The following JMJD8 variants were observed in gnomAD, a reference collection of about 807,000 sequenced individuals.
The protein encoded by JMJD8 is jmjC domain-containing protein 8.
In JMJD8, 56 loss-of-function variants were observed where a neutral mutation model predicts 37.6. That is an observed-to-expected ratio of 1.49 (90% CI 1.20 to 1.86). The LOEUF is 1.86. JMJD8 is among the 40% of genes most tolerant of loss of function. JMJD8 has a pLI of 0.00. For missense variants in JMJD8, 542 were observed against 362.7 expected, an observed-to-expected ratio of 1.49 and a Z score of -4.01; for synonymous variants, 261 against 163.7, an observed-to-expected ratio of 1.59 and a Z score of -4.54.
At position 684,097 on chromosome 16, in the gene JMJD8, C is replaced by T. The variant is rs760089381; in HGVS notation, c.145G>A (p.Ala49Thr). The change falls in exon 2 of 9, where the codon GCC (alanine) becomes ACC (threonine). Residue 49 changes from alanine to threonine, a missense_variant. Physicochemically the swap from Ala to Thr is moderately conservative, Grantham distance 58. Transcript: ENST00000609261. The stretch of plus-strand genomic sequence containing the variant: ...ACGAACTCCGCGTAGGTGAGGTCGG[C>T]CCGACGCTCCACCGTGCAGCGCTCC... ...EEERCTVERR[A>T]DLTYAEFVQQ... 1.1e-4 allele frequency: 177 copies of T among 1,571,112 alleles called. No individual in the cohort carries two copies. The highest frequency in any genetic ancestry group is 1.3e-4 in the Non-Finnish European group (154 of 1,167,194).
At position 681,890 on chromosome 16, in the gene JMJD8, C is replaced by G; in HGVS notation, c.*904G>C. The G allele has an allele frequency of 1.2e-6, 2 of 1,612,352 alleles. No homozygotes were observed. The highest frequency in any genetic ancestry group is 1.7e-6 in the Non-Finnish European group (2 of 1,179,448). ...CATTGAGGCCAAGCACGTGAGGGTGCCCCCCACCCACATGTGGGTCTGTGT... is the reference window on the plus strand; with the variant it reads ...CATTGAGGCCAAGCACGTGAGGGTGGCCCCCACCCACATGTGGGTCTGTGT... On this transcript the variant is annotated 3_prime_UTR_variant, in exon 9 of 9. Transcript: ENST00000609261.
intron 1 of JMJD8, 29 bp from the exon 2 acceptor site, chr16:684,184 C>T (rs2039834774): frequency 3.0e-6 from 4 of 1,325,902 alleles, no homozygotes; most frequent in Non-Finnish European, 3.8e-6. Flanking sequence ...CAGCCCGCGC[C>T]CCGCCCGCCG....
intron 4 of JMJD8, 39 bp from the exon 5 acceptor site, chr16:683,637 C>G: frequency 6.3e-7 from 1 of 1,577,256 alleles, no homozygotes; most frequent in Non-Finnish European, 8.6e-7. Flanking sequence ...CTGGTCCAGC[C>G]GCCCCGGTGT....
At position 683,543 on chromosome 16, in the gene JMJD8, G is replaced by C; in HGVS notation, c.378C>G (p.Thr126=). The stretch of plus-strand genomic sequence containing the variant: ...GGGCTGCCTCACCATTGCCCAGGGA[G>C]GTGGGGTCCTGGGGGTGCAGCAGCT... ...VEQLLHPQDP[T]SLGNDTLYFF... Residue 126 remains threonine (T), a synonymous_variant, in exon 5 of 9, where the codon ACC becomes ACG. Coordinates refer to ENST00000609261, the MANE Select transcript of JMJD8 (RefSeq NM_001005920.4). 1 of 1,563,386 alleles carries C rather than the reference G, an allele frequency of 6.4e-7. No homozygotes were observed. The highest frequency in any genetic ancestry group is 1.2e-5 in the South Asian group (1 of 85,090).
rs1567281591 is a variant in JMJD8, at chr16:682,022, C to G, written c.*772G>C. ...GCACAGCACTCAACTCTTCACAGGA[C>G]AAGTACATGGCGGACATGGACGAGC... On this transcript the variant is annotated 3_prime_UTR_variant, in exon 9 of 9. Coordinates refer to ENST00000609261, the MANE Select transcript of JMJD8 (RefSeq NM_001005920.4). The G allele has an allele frequency of 1.2e-6, 2 of 1,603,004 alleles. No individual in the cohort carries two copies. Among genetic ancestry groups the G allele is most frequent in the Admixed American group, 1.7e-5 (1 of 59,590 alleles).
Position 682,407 on chromosome 16 carries a change from AG to A in JMJD8, c.*386del, listed in dbSNP as rs1555475529. ...CCCGTGACCCGGAGCCCCCTGACCC[AG>A]GAACAGCTCATCCCCAACTTGGCTA... On this transcript the variant is annotated 3_prime_UTR_variant, in exon 9 of 9. Transcript: ENST00000609261. 6.2e-7 allele frequency: 1 copy of A among 1,613,382 alleles called. No individual in the cohort carries two copies. The highest frequency in any genetic ancestry group is 8.5e-7 in the Non-Finnish European group (1 of 1,180,002).
rs889588804 is a variant in JMJD8, at chr16:683,984, G to A, written c.177-75C>T. Reference sequence around the variant, plus strand: ...CCCCAGCCCCACGCGTGCGCGCGAGGTCAGGGGAAGGCGGCCTTGGGCGGT... The same window carrying A: ...CCCCAGCCCCACGCGTGCGCGCGAGATCAGGGGAAGGCGGCCTTGGGCGGT... On this transcript the variant is annotated intron_variant, in intron 2 of 8. Transcript: ENST00000609261. 2.3e-5 allele frequency: 36 copies of A among 1,556,414 alleles called. No individual in the cohort carries two copies. The East Asian group carries it at 3.1e-4, about 13-fold the overall frequency.
In JMJD8 at chr16:682,708, T is replaced by G; in HGVS notation, c.*86A>C. On this transcript the variant is annotated 3_prime_UTR_variant, in exon 9 of 9. Coordinates refer to ENST00000609261, the MANE Select transcript of JMJD8 (RefSeq NM_001005920.4). ...GTGAGGGTGGGCTGGGCTGAGGCCA[T>G]TGCCGCCACTATCTGTGTAATAAAA... is the stretch of plus-strand genomic sequence containing the variant. The G allele has an allele frequency of 6.6e-7, 1 of 1,507,098 alleles. No individual in the cohort carries two copies. Among genetic ancestry groups the G allele is most frequent in the Non-Finnish European group, 9.1e-7 (1 of 1,102,530 alleles). 93.4% of individuals were successfully genotyped at this position (1,507,098 alleles called of 1,614,324 possible).
chr16:682,891 G>A lies in JMJD8; in HGVS notation c.715-17C>T. ...GTACAGCACCTGGTGGAGGAAGGGG[G>A]TGCAGCAGAGATTAGCTGCGGGCCT... On this transcript the variant is annotated splice_polypyrimidine_tract_variant and intron_variant, in intron 8 of 8. Coordinates refer to ENST00000609261, the MANE Select transcript of JMJD8 (RefSeq NM_001005920.4). 6.2e-7 allele frequency: 1 copy of A among 1,612,760 alleles called. No individual in the cohort carries two copies. The highest frequency in any genetic ancestry group is 8.5e-7 in the Non-Finnish European group (1 of 1,179,748).
Position 682,994 on chromosome 16 carries a change from G to C in JMJD8, c.673C>G (p.Pro225Ala). Residue 225 changes from proline (P) to alanine (A), a missense_variant, in exon 8 of 9, where the codon CCG becomes GCG. Transcript: ENST00000609261. ...WLRDTYPALP[P>A]SARPLECTIR... The stretch of plus-strand genomic sequence containing the variant: ...GTACACTCCAGGGGCCGTGCAGACG[G>C]TGGCAGGGCTGGGTATGTGTCCCGG... 8 of 1,613,440 alleles carry C rather than the reference G, an allele frequency of 5.0e-6. No homozygotes were observed. Among genetic ancestry groups the C allele is most frequent in the Non-Finnish European group, 6.8e-6 (8 of 1,179,886 alleles).
chr16:682,534 C>G lies in JMJD8; in HGVS notation c.*260G>C, dbSNP rs771686779. 1 of 1,610,446 alleles carries G rather than the reference C, an allele frequency of 6.2e-7. No individual in the cohort carries two copies. Among genetic ancestry groups the G allele is most frequent in the African/African-American group, 1.3e-5 (1 of 74,914 alleles). On this transcript the variant is annotated 3_prime_UTR_variant, in exon 9 of 9. Transcript: ENST00000609261. ...CGTCCTGGTCCAGGGGAGCCCTGGG[C>G]AGAAGCCCCCGGCCCCTATACATAG...
chr16:683,989 G>A lies in JMJD8; in HGVS notation c.176+77C>T, dbSNP rs1019487357. 6 of 1,557,682 alleles carry A rather than the reference G, an allele frequency of 3.9e-6. No homozygotes were observed. In the African/African-American group the frequency reaches 4.1e-5, roughly 11 times the overall value. On this transcript the variant is annotated intron_variant, in intron 2 of 8. Coordinates refer to ENST00000609261, the MANE Select transcript of JMJD8 (RefSeq NM_001005920.4). ...GCCCCACGCGTGCGCGCGAGGTCAG[G>A]GGAAGGCGGCCTTGGGCGGTCGGGG...
rs369998074 is a variant in JMJD8, at chr16:682,471, C to T, written c.*323G>A. On this transcript the variant is annotated 3_prime_UTR_variant, in exon 9 of 9. Transcript: ENST00000609261. Reference sequence around the variant, plus strand: ...TTGACGCATTCATCTCTGAGAATGGCTGGGTGGAGGACTACTGAGGTTCCC... The same window carrying T: ...TTGACGCATTCATCTCTGAGAATGGTTGGGTGGAGGACTACTGAGGTTCCC... 1.5e-5 allele frequency: 24 copies of T among 1,613,266 alleles called. No individual in the cohort carries two copies. Among genetic ancestry groups the T allele is most frequent in the Non-Finnish European group, 1.9e-5 (23 of 1,180,020 alleles).
chr16:681,813 G>T lies in JMJD8; in HGVS notation c.*981C>A, dbSNP rs145094142. ...CCCAGGGAGCTGGAAGAGTGCCAGC[G>T]AAACCACGAGGGTGATGAGGACGAC... On this transcript the variant is annotated 3_prime_UTR_variant, in exon 9 of 9. Transcript: ENST00000609261. The T allele has an allele frequency of 2.5e-6, 4 of 1,603,418 alleles. No individual in the cohort carries two copies. Among genetic ancestry groups the T allele is most frequent in the Non-Finnish European group, 3.4e-6 (4 of 1,172,820 alleles).
In JMJD8 at chr16:683,786, G is replaced by A; in HGVS notation, c.226-5C>T. 1 of 1,602,944 alleles carries A rather than the reference G, an allele frequency of 6.2e-7. No homozygotes were observed. Among genetic ancestry groups the A allele is most frequent in the Non-Finnish European group, 8.5e-7 (1 of 1,175,576 alleles). ...GGAGCACAGGGCCCGGAACCTCTGC[G>A]GGGGCGGGGAGGGGACTTAGTGGCC... On this transcript the variant is annotated splice_polypyrimidine_tract_variant and splice_region_variant and intron_variant, in intron 3 of 8. Coordinates refer to ENST00000609261, the MANE Select transcript of JMJD8 (RefSeq NM_001005920.4).
rs763451396 is a variant in JMJD8, at chr16:684,160, G to A, written c.87-5C>T. The A allele has an allele frequency of 1.4e-6, 2 of 1,452,254 alleles. No individual in the cohort carries two copies. Among genetic ancestry groups the A allele is most frequent in the Non-Finnish European group, 1.8e-6 (2 of 1,109,428 alleles). 90.0% of individuals were successfully genotyped at this position (1,452,254 alleles called of 1,614,324 possible). ...GCCCCCGGCCCGCCCGGGCGCCTGC[G>A]GGCACAGCTGGGTCAGCCCGCGCCC... On this transcript the variant is annotated splice_polypyrimidine_tract_variant and splice_region_variant and intron_variant, in intron 1 of 8. Transcript: ENST00000609261.
Position 681,870 on chromosome 16 carries a change from A to G in JMJD8, c.*924T>C. On this transcript the variant is annotated 3_prime_UTR_variant, in exon 9 of 9. Transcript: ENST00000609261. ...GTCCGGGCCCAGCAGGCCTGCATTG[A>G]GGCCAAGCACGTGAGGGTGCCCCCC... is the stretch of plus-strand genomic sequence containing the variant. 1 of 1,612,894 alleles carries G rather than the reference A, an allele frequency of 6.2e-7. No homozygotes were observed. Among genetic ancestry groups the G allele is most frequent in the Non-Finnish European group, 8.5e-7 (1 of 1,179,950 alleles).
intron 2 of JMJD8, 39 bp from the exon 3 acceptor site, chr16:683,948 C>G: frequency 6.4e-7 from 1 of 1,560,264 alleles, no homozygotes; most frequent in Non-Finnish European, 8.6e-7. Flanking sequence ...GCCGGACCGC[C>G]AGCCTCGCCG....
Position 682,290 on chromosome 16 carries a change from T to C in JMJD8, c.*504A>G. The C allele has an allele frequency of 3.7e-6, 6 of 1,610,124 alleles. No individual in the cohort carries two copies. Among genetic ancestry groups the C allele is most frequent in the Non-Finnish European group, 5.1e-6 (6 of 1,178,808 alleles). On this transcript the variant is annotated 3_prime_UTR_variant, in exon 9 of 9. Coordinates refer to ENST00000609261, the MANE Select transcript of JMJD8 (RefSeq NM_001005920.4). ...TCGAGGAGCACCTGCAGGTGAGGCC[T>C]GCGGCTGGGGGAGCAGGGCCAGTGG...
Sources: allele counts gnomAD v4.1 joint callset, GRCh38; gene constraint gnomAD v4.1.1; transcripts MANE v1.5; gene names NCBI Gene and HGNC (gene_info 2026-07-23, HGNC 2026-07-21).